The following GRID1 variants were observed in gnomAD, a reference collection of about 807,000 sequenced individuals.
GRID1 encodes glutamate ionotropic receptor delta type subunit 1, also known as glutamate receptor ionotropic, delta-1.
In GRID1, 28 loss-of-function variants were observed where a neutral mutation model predicts 98.0. The ratio of observed to expected loss-of-function variants is 0.29; its 90% CI spans 0.21 to 0.39. The LOEUF (loss-of-function observed/expected upper bound fraction) is 0.39. Among genes scored for constraint, GRID1 ranks in the 10% least tolerant of loss-of-function variants. GRID1 has a pLI of 1.00. For missense variants in GRID1, 1,111 were observed against 1,340.5 expected (o/e 0.83, Z 2.67); for synonymous variants, 553 against 538.5 (o/e 1.03, Z -0.37).
chr10:86,295,143 G>A (rs1406677201), intron 2 of GRID1, among the ~76,000 whole-genome samples: 1 of 152,212 alleles, frequency 6.6e-6, no homozygotes, highest in Non-Finnish European at 1.5e-5. Context: ...CTTTTCAAGA[G>A]CTTCGCTGTA....
At chr10:86,120,090 C>T (rs765622857) in intron 4 of GRID1, among the ~76,000 whole-genome samples, 3 of 152,114 alleles carry the variant, frequency 2.0e-5, no homozygotes, top group East Asian at 3.9e-4. Context: ...TAAGCCACTG[C>T]GCCCAGCCAG....
chr10:86,098,948 G>C (rs1293620994), intron 4 of GRID1, among the ~76,000 whole-genome samples: 2 of 152,096 alleles, frequency 1.3e-5, no homozygotes, highest in Non-Finnish European at 2.9e-5. Context: ...AATAATATTA[G>C]TAATAAAATT....
intron 4 of GRID1, among the ~76,000 whole-genome samples, chr10:86,075,931 G>A (rs1053497674): frequency 3.1e-4 from 47 of 152,220 alleles, no homozygotes; most frequent in African/African-American, 9.9e-4. Flanking sequence ...CTCTCCCCAC[G>A]GAGCCAAGCA....
intron 3 of GRID1, among the ~76,000 whole-genome samples, chr10:86,196,531 C>T (rs903874241): frequency 1.1e-4 from 17 of 152,038 alleles, no homozygotes; most frequent in Admixed American, 2.6e-4. Flanking sequence ...CCCAGAAGCA[C>T]GTTAGAAAAA....
At position 85,778,573 on chromosome 10, in the gene GRID1, A is replaced by T. The variant is rs891607172; in HGVS notation, c.1234-48959T>A. ...CACTTTCTAGTGCATGGGAAGAGGA[A>T]AAAACAAAACAATTTCAGGGCAAGG... is the stretch of plus-strand genomic sequence containing the variant. On this transcript the variant is annotated intron_variant, in intron 8 of 15. Coordinates refer to ENST00000327946, the MANE Select transcript of GRID1 (RefSeq NM_017551.3). Among the ~76,000 whole-genome samples, 6 of 152,192 alleles carry T rather than the reference A, an allele frequency of 3.9e-5. No individual in the cohort carries two copies. The East Asian group carries it at 1.2e-3, about 29-fold the overall frequency.
intron 4 of GRID1, among the ~76,000 whole-genome samples, chr10:86,042,759 C>T (rs543536338): frequency 8.5e-5 from 13 of 152,254 alleles, no homozygotes; most frequent in African/African-American, 3.1e-4. Flanking sequence ...AAGATGCCAA[C>T]ACAGAGAAAA....
intron 2 of GRID1, among the ~76,000 whole-genome samples, chr10:86,256,275 T>C (rs1359625983): frequency 6.6e-6 from 1 of 152,164 alleles, no homozygotes; most frequent in Non-Finnish European, 1.5e-5. Flanking sequence ...AACAGCCCAG[T>C]TGGCTCCCAT....
intron 12 of GRID1, among the ~76,000 whole-genome samples, chr10:85,672,243 T>C (rs1841094943): frequency 6.6e-6 from 1 of 152,212 alleles, no homozygotes; most frequent in Non-Finnish European, 1.5e-5. Flanking sequence ...TGACTTTATG[T>C]TGAAACTAAT....
At chr10:85,653,472 G>A (rs1214459909) in intron 12 of GRID1, among the ~76,000 whole-genome samples, 2 of 152,162 alleles carry the variant, frequency 1.3e-5, no homozygotes, top group Non-Finnish European at 2.9e-5. Context: ...GAGACAGGGT[G>A]GCCAAGGAGC....
chr10:85,650,445 A>G (rs1843253417), intron 12 of GRID1, among the ~76,000 whole-genome samples: 2 of 152,302 alleles, frequency 1.3e-5, no homozygotes, highest in African/African-American at 2.4e-5. Flanking sequence ...CACATGCACG[A>G]TGCAACTTGC....
At chr10:85,688,491 G>A (rs1841293853) in intron 12 of GRID1, among the ~76,000 whole-genome samples, 1 of 152,184 alleles carries the variant, frequency 6.6e-6, no homozygotes, top group Non-Finnish European at 1.5e-5. Context: ...TTGAATTACA[G>A]GCACGGGCCA....
At chr10:85,702,612 A>G (rs1210001044) in intron 12 of GRID1, among the ~76,000 whole-genome samples, 2 of 152,154 alleles carry the variant, frequency 1.3e-5, no homozygotes, top group Admixed American at 1.3e-4. Context: ...CATATCAACC[A>G]ACTCCGGAAG....
At chr10:86,308,726 T>C (rs990295475) in intron 2 of GRID1, among the ~76,000 whole-genome samples, 6 of 152,116 alleles carry the variant, frequency 3.9e-5, no homozygotes, top group African/African-American at 1.4e-4. Flanking sequence ...AAGTCCAAGG[T>C]TGAGGGGCCC....
intron 3 of GRID1, 106 bp from the exon 4 acceptor site, chr10:86,139,130 A>C: frequency 1.3e-6 from 1 of 759,514 alleles, no homozygotes; most frequent in Non-Finnish European, 2.3e-6. Flanking sequence ...GCCACCACGA[A>C]AAATGAGGGT....
At chr10:86,156,497 G>C (rs12246939) in intron 3 of GRID1, among the ~76,000 whole-genome samples, 1 of 152,152 alleles carries the variant, frequency 6.6e-6, no homozygotes, top group Non-Finnish European at 1.5e-5. Flanking sequence ...TCCAATGGGG[G>C]AAGCTGGGGT....
At chr10:86,132,866 T>C (rs894845565) in intron 4 of GRID1, among the ~76,000 whole-genome samples, 3 of 152,224 alleles carry the variant, frequency 2.0e-5, no homozygotes, top group African/African-American at 7.2e-5. Context: ...ACTCCATGCC[T>C]GGGAAGCCAA....
chr10:86,244,303 G>A (rs1423996043), intron 2 of GRID1, among the ~76,000 whole-genome samples: 1 of 152,184 alleles, frequency 6.6e-6, no homozygotes, highest in Non-Finnish European at 1.5e-5. Flanking sequence ...TGCGGGGCCT[G>A]CTGTGTGTGC....
chr10:85,708,113 T>TAAAAAAAAAAAAAA (rs768805148), intron 12 of GRID1, among the ~76,000 whole-genome samples: 1 of 120,930 alleles, frequency 8.3e-6, no homozygotes. Context: ...TAAAGTATAA[T>TAAAAAAAAAAAAAA]AAAAAAAAAA....
Position 86,295,507 on chromosome 10 carries a change from A to G in GRID1, c.235+68434T>C, listed in dbSNP as rs61856583. On this transcript the variant is annotated intron_variant, in intron 2 of 15. Transcript: ENST00000327946. The stretch of plus-strand genomic sequence containing the variant: ...CTGCCACCTTCTCTCTCCTCAGTGA[A>G]CTATATAGGGAACAAAACTCTGCTG... 2.1e-3 allele frequency among the ~76,000 whole-genome samples: 324 copies of G among 152,258 alleles called. 1 individual carries two copies. Among genetic ancestry groups the G allele is most frequent in the Admixed American group, 5.0e-3 (77 of 15,298 alleles).
Sources: gnomAD v4.1 joint callset for allele counts (sites outside exome capture counted in the v4.1 genomes callset) on GRCh38, gnomAD v4.1.1 for gene constraint, MANE v1.5 for transcripts, NCBI Gene and HGNC (gene_info 2026-07-23, HGNC 2026-07-21) for gene names.